ACO2: variants seen among roughly 807,000 people sequenced by gnomAD.
ACO2 encodes the protein aconitate hydratase, mitochondrial.
A neutral mutation model predicts 84.5 loss-of-function variants in ACO2; 31 were observed. The observed-to-expected ratio is 0.37, with a 90% CI of 0.28 to 0.50. The LOEUF (loss-of-function observed/expected upper bound fraction) is 0.50. Ranked by LOEUF, ACO2 falls within the 20% of genes least tolerant of loss-of-function variation. ACO2 has a pLI of 0.97. For synonymous variants in ACO2, 414 were observed against 412.7 expected (o/e 1.00, Z -0.04); for missense variants, 685 against 1,029.3 (o/e 0.67, Z 4.58).
intron 2 of ACO2, 23 bp downstream of exon 2, chr22:41,499,885 G>GTGAC: frequency 6.2e-7 from 1 of 1,612,790 alleles, no homozygotes; most frequent in Non-Finnish European, 8.5e-7. Context: ...ATGGGAGGCT[G>GTGAC]TGACTGTCAA....
intron 1 of ACO2, among the ~76,000 whole-genome samples, chr22:41,484,623 TGCC>T (rs2038129430): frequency 1.3e-5 from 2 of 152,040 alleles, no homozygotes; most frequent in African/African-American, 4.8e-5. Flanking sequence ...GTGATCCTCC[TGCC>T]TCAGCCTCTC....
intron 1 of ACO2, among the ~76,000 whole-genome samples, chr22:41,470,675 T>C (rs984900079): frequency 3.9e-5 from 6 of 151,964 alleles, no homozygotes; most frequent in Admixed American, 2.6e-4. Context: ...CCCGAGTAGC[T>C]GGGATTACAG....
chr22:41,498,353 A>G (rs2066330287), intron 1 of ACO2, among the ~76,000 whole-genome samples: 1 of 152,244 alleles, frequency 6.6e-6, no homozygotes, highest in Non-Finnish European at 1.5e-5. Flanking sequence ...CACCATAACA[A>G]TCATTTATTT....
In ACO2 at chr22:41,526,547, G is replaced by A. The variant is rs1006399425; in HGVS notation, c.1953+94G>A. The A allele has an allele frequency of 9.3e-6, 13 of 1,405,052 alleles. No individual in the cohort carries two copies. The African/African-American group carries it at 1.7e-4, about 19-fold the overall frequency. The allele number at this position is 1,405,052 out of a possible 1,614,324, so 87.0% of individuals were successfully genotyped here. A position where few individuals can be genotyped will look rare whatever the true frequency, so the allele number is the denominator to read the frequency against. ...AGGACATTAGGGGAGTGGAAACTGG[G>A]AAGGAGGCCGACCAAGCCCAAAGGG... On this transcript the variant is annotated intron_variant, in intron 15 of 17. Transcript: ENST00000216254.
At position 41,528,625 on chromosome 22, in the gene ACO2, C is replaced by T; in HGVS notation, c.*12C>T. The T allele has an allele frequency of 3.9e-6, 6 of 1,545,452 alleles. No individual in the cohort carries two copies. Among genetic ancestry groups the T allele is most frequent in the South Asian group, 1.3e-5 (1 of 79,906 alleles). On this transcript the variant is annotated 3_prime_UTR_variant, in exon 18 of 18. Transcript: ENST00000216254. ...AACTGCAACAGTGAGGGCAGTGCCTCCCCGCCCCGCCGCTGGCGTCAAGTT... is the reference window on the plus strand; with the variant it reads ...AACTGCAACAGTGAGGGCAGTGCCTTCCCGCCCCGCCGCTGGCGTCAAGTT...
At chr22:41,474,962 T>C (rs1391716030) in intron 1 of ACO2, among the ~76,000 whole-genome samples, 1 of 151,928 alleles carries the variant, frequency 6.6e-6, no homozygotes, top group Non-Finnish European at 1.5e-5. Context: ...GATTCTTTCA[T>C]CAGTTCTCAA....
chr22:41,516,842 C>T (rs1474125597), intron 6 of ACO2, among the ~76,000 whole-genome samples: 2 of 152,162 alleles, frequency 1.3e-5, no homozygotes, highest in Non-Finnish European at 2.9e-5. Flanking sequence ...CCGGTCTCAG[C>T]CTCCTGAGTA....
At chr22:41,502,784 T>C (rs1038966822) in intron 2 of ACO2, among the ~76,000 whole-genome samples, 1 of 152,148 alleles carries the variant, frequency 6.6e-6, no homozygotes, top group African/African-American at 2.4e-5. Flanking sequence ...AATTTTTGTA[T>C]TTTTAGTAAA....
chr22:41,471,762 A>C (rs1005321908), intron 1 of ACO2, among the ~76,000 whole-genome samples: 15 of 152,254 alleles, frequency 9.9e-5, no homozygotes, highest in Admixed American at 3.9e-4. Flanking sequence ...GACTAATTTC[A>C]CATGACTCTG....
chr22:41,481,291 C>A (rs181556655), intron 1 of ACO2, among the ~76,000 whole-genome samples: 1 of 152,162 alleles, frequency 6.6e-6, no homozygotes, highest in African/African-American at 2.4e-5. Context: ...TCCATGATGG[C>A]ACTCTGACAA....
chr22:41,525,213 C>A lies in ACO2; in HGVS notation c.1626C>A (p.Asp542Glu), dbSNP rs760421160. The A allele has an allele frequency of 2.5e-6, 4 of 1,613,996 alleles. No homozygotes were observed. The African/African-American group carries it at 5.3e-5, about 22-fold the overall frequency. The change falls in exon 14 of 18, where the codon GAC (aspartate) becomes GAA (glutamate). Residue 542 changes from aspartate (D) to glutamate (E), a missense_variant. This residue lies in a region of ACO2 where 311 missense variants were observed against 441.6 expected (regional missense o/e 0.70). Transcript: ENST00000216254. Reference sequence around the variant, plus strand: ...TGCAGGAGTTTGACCCAGGGCAGGACACCTACCAGCACCCACCCAAGGACA... The same window carrying A: ...TGCAGGAGTTTGACCCAGGGCAGGAAACCTACCAGCACCCACCCAAGGACA... The part of the protein sequence containing the change: ...LPKGEFDPGQ[D>E]TYQHPPKDSS...
chr22:41,477,686 G>A (rs778493061), intron 1 of ACO2, among the ~76,000 whole-genome samples: 68 of 152,214 alleles, frequency 4.5e-4, no homozygotes, highest in Non-Finnish European at 7.8e-4. Context: ...GAGGCACTTG[G>A]TGAATATTCA....
At chr22:41,471,119 C>A (rs2037941575) in intron 1 of ACO2, among the ~76,000 whole-genome samples, 1 of 151,870 alleles carries the variant, frequency 6.6e-6, no homozygotes, top group Admixed American at 6.6e-5. Context: ...TGGAGATGAT[C>A]TTCATTGAAC....
At position 41,509,758 on chromosome 22, in the gene ACO2, C is replaced by T. The variant is rs113865871; in HGVS notation, c.432+1709C>T. 1.5e-4 allele frequency among the ~76,000 whole-genome samples: 23 copies of T among 150,206 alleles called. 3 individuals carry two copies. The highest frequency in any genetic ancestry group is 3.7e-4 in the African/African-American group (15 of 40,942). On this transcript the variant is annotated intron_variant, in intron 3 of 17. Coordinates refer to ENST00000216254, the MANE Select transcript of ACO2 (RefSeq NM_001098.3). ...GCCAGGAACGCGAGGGCTGTGGGAA[C>T]GCTATGGTCACCATCCTCAGAGTCC...
rs369389738 is a variant in ACO2, at chr22:41,489,745, T to G, written c.37-9981T>G. Among the ~76,000 whole-genome samples the G allele has an allele frequency of 1.3e-4, 20 of 152,088 alleles. No individual in the cohort carries two copies. In the East Asian group the frequency reaches 2.3e-3, roughly 18 times the overall value. On this transcript the variant is annotated intron_variant, in intron 1 of 17. Transcript: ENST00000216254. ...TGTCGGGTGGTCCTGCTGTCGGTGG[T>G]GCCGTGTTTGATCTCTGGGTTAAAA...
chr22:41,511,074 C>T (rs972562352), intron 3 of ACO2, among the ~76,000 whole-genome samples: 2 of 152,162 alleles, frequency 1.3e-5, no homozygotes, highest in African/African-American at 4.8e-5. Flanking sequence ...GGTGCGATCT[C>T]GGCTCATTGC....
chr22:41,486,597 A>G (rs926690641), intron 1 of ACO2, among the ~76,000 whole-genome samples: 2 of 151,050 alleles, frequency 1.3e-5, no homozygotes, highest in African/African-American at 4.9e-5. Flanking sequence ...CAGCCTCCCA[A>G]GTAGCTGGGA....
At chr22:41,503,291 A>C (rs2066366676) in intron 2 of ACO2, among the ~76,000 whole-genome samples, 1 of 151,990 alleles carries the variant, frequency 6.6e-6, no homozygotes, top group East Asian at 1.9e-4. Flanking sequence ...ATAACTTTGA[A>C]CATTTTCCAG....
intron 16 of ACO2, 53 bp downstream of exon 16, chr22:41,527,473 G>A: frequency 6.4e-7 from 1 of 1,559,536 alleles, no homozygotes; most frequent in South Asian, 1.2e-5. Context: ...AGTGATCAAG[G>A]TCACTCTCCC....
Sources: allele counts gnomAD v4.1 joint callset (sites outside exome capture counted in the v4.1 genomes callset), GRCh38; gene constraint gnomAD v4.1.1; regional missense constraint gnomAD v4.1.1; transcripts MANE v1.5; gene names NCBI Gene and HGNC (gene_info 2026-07-23, HGNC 2026-07-21).